ITGA9: variants seen among roughly 807,000 people sequenced by gnomAD.
ITGA9 encodes the protein integrin subunit alpha 9.
In ITGA9, 56 loss-of-function variants were observed where a neutral mutation model predicts 127.8. The ratio of observed to expected loss-of-function variants is 0.44; its 90% confidence interval spans 0.35 to 0.55. The LOEUF (loss-of-function observed/expected upper bound fraction) is 0.55, where lower values mean the gene tolerates loss of function less well. ITGA9 is among the 20% of genes least tolerant of loss of function. The pLI is 0.00. For missense variants in ITGA9, 1,196 were observed against 1,347.1 expected (o/e 0.89, Z 1.76); for synonymous variants, 508 against 514.5 (o/e 0.99, Z 0.17).
chr3:37,777,329 G>A (rs780215017), intron 23 of ITGA9, 63 bp from the exon 24 acceptor site: 12 of 1,590,938 alleles, frequency 7.5e-6, no homozygotes, highest in Middle Eastern at 1.7e-4. Context: ...TACAATAAGA[G>A]GCTCCAGCAT....
intron 15 of ITGA9, among the ~76,000 whole-genome samples, chr3:37,586,751 G>T (rs961168730): frequency 1.1e-4 from 16 of 152,174 alleles, no homozygotes; most frequent in Admixed American, 9.8e-4. Context: ...TTAACTTACG[G>T]GTCACCTGGT....
intron 26 of ITGA9, 119 bp downstream of exon 26, chr3:37,785,197 G>A (rs1179609769): frequency 1.1e-5 from 9 of 782,812 alleles, no homozygotes; most frequent in South Asian, 1.1e-4. Context: ...TTGGGTTTGT[G>A]GCAGACCCAA....
At chr3:37,590,378 G>T (rs1699803828) in intron 15 of ITGA9, among the ~76,000 whole-genome samples, 1 of 152,188 alleles carries the variant, frequency 6.6e-6, no homozygotes, top group Non-Finnish European at 1.5e-5. Flanking sequence ...GAGTCAGGGT[G>T]GAGTAGAGCT....
chr3:37,740,662 C>A (rs955052462), intron 20 of ITGA9, among the ~76,000 whole-genome samples: 1 of 152,174 alleles, frequency 6.6e-6, no homozygotes, highest in African/African-American at 2.4e-5. Context: ...AAGGTGGGTG[C>A]TCCATCTCCC....
intron 26 of ITGA9, among the ~76,000 whole-genome samples, chr3:37,803,601 A>G (rs1471461369): frequency 6.6e-6 from 1 of 152,188 alleles, no homozygotes; most frequent in African/African-American, 2.4e-5. Flanking sequence ...CCTAGCCAAC[A>G]TGGTGAAACC....
At chr3:37,699,454 T>G (rs1476783573) in intron 18 of ITGA9, among the ~76,000 whole-genome samples, 1 of 152,228 alleles carries the variant, frequency 6.6e-6, no homozygotes, top group Non-Finnish European at 1.5e-5. Context: ...AACACCCTGT[T>G]GGCTGATCCT....
chr3:37,509,728 G>A (rs559442372), intron 8 of ITGA9, among the ~76,000 whole-genome samples: 4 of 152,092 alleles, frequency 2.6e-5, no homozygotes, highest in African/African-American at 9.7e-5. Context: ...AACTCTGCTG[G>A]CTTGTGTTAT....
chr3:37,780,132 A>C (rs1469007538), intron 25 of ITGA9, 111 bp downstream of exon 25: 8 of 1,322,426 alleles, frequency 6.0e-6, no homozygotes, highest in Non-Finnish European at 7.5e-6. Flanking sequence ...TGGTGTCCTC[A>C]TGACAATCTG....
chr3:37,758,768 T>G (rs1442351701), intron 23 of ITGA9, among the ~76,000 whole-genome samples: 1 of 151,980 alleles, frequency 6.6e-6, no homozygotes, highest in Non-Finnish European at 1.5e-5. Flanking sequence ...AAAAGTATCC[T>G]ATTGTAAAAA....
chr3:37,596,666 T>C (rs1360149780), intron 15 of ITGA9, among the ~76,000 whole-genome samples: 1 of 152,092 alleles, frequency 6.6e-6, no homozygotes, highest in African/African-American at 2.4e-5. Context: ...GGGTTGTACC[T>C]TAGGTGACCC....
rs77844934 is a variant in ITGA9, at chr3:37,769,021, G to A, written c.2542-8371G>A. Among the ~76,000 whole-genome samples the A allele has an allele frequency of 6.5e-3, 988 of 152,198 alleles. 9 individuals are homozygous for A. The highest frequency in any genetic ancestry group is 0.031 in the Middle Eastern group (9 of 294). On this transcript the variant is annotated intron_variant, in intron 23 of 27. Coordinates refer to ENST00000264741, the MANE Select transcript of ITGA9 (RefSeq NM_002207.3). ...CTGGTAAAATGGCAAACTGGTAGAG[G>A]CATCTATGCTTCTGCCTGTTAAAAA...
intron 25 of ITGA9, among the ~76,000 whole-genome samples, chr3:37,782,112 C>T (rs1042291225): frequency 6.6e-6 from 1 of 152,240 alleles, no homozygotes; most frequent in African/African-American, 2.4e-5. Context: ...AAGTACCTTC[C>T]TGAAATGTGT....
At chr3:37,750,621 T>C in intron 23 of ITGA9, 52 bp downstream of exon 23, 1 of 1,289,386 alleles carries the variant, frequency 7.8e-7, no homozygotes, top group Non-Finnish European at 1.1e-6. Context: ...GCCAGCCCAT[T>C]CAAATTTTGT....
At chr3:37,624,249 GGCT>G (rs1356624314) in intron 15 of ITGA9, among the ~76,000 whole-genome samples, 1 of 135,258 alleles carries the variant, frequency 7.4e-6, no homozygotes, top group African/African-American at 2.8e-5. Flanking sequence ...CAATTAGGTA[GGCT>G]TCTAGGTCAG....
chr3:37,799,544 A>G lies in ITGA9; in HGVS notation c.2890-4279A>G, dbSNP rs1055571246. On this transcript the variant is annotated intron_variant, in intron 26 of 27. Coordinates refer to ENST00000264741, the MANE Select transcript of ITGA9 (RefSeq NM_002207.3). The surrounding 1 kb of genome is among the most constrained non-coding windows in gnomAD (Gnocchi z 4.0). ...GCCTCTAACTGGCTAGAATGTAAAT[A>G]TGTGTCCTGGGAGCAGCTGGAAAGG... Among the ~76,000 whole-genome samples, 3 of 152,158 alleles carry G rather than the reference A, an allele frequency of 2.0e-5. No individual in the cohort carries two copies. The highest frequency in any genetic ancestry group is 4.4e-5 in the Non-Finnish European group (3 of 68,018).
intron 16 of ITGA9, among the ~76,000 whole-genome samples, chr3:37,635,286 A>G (rs188572676): frequency 1.2e-3 from 187 of 152,326 alleles, no homozygotes; most frequent in African/African-American, 4.4e-3. Context: ...GGTTTTCAAT[A>G]TTTATAATTA....
In ITGA9 at chr3:37,780,039, G is replaced by A. The variant is rs371844720; in HGVS notation, c.2787+18G>A. ...TGAAAAAGGTAAGCCCTAATGAACC[G>A]CACTTGTGGATGCATTTAGAAGCAT... is the stretch of plus-strand genomic sequence containing the variant. On this transcript the variant is annotated intron_variant, in intron 25 of 27. Transcript: ENST00000264741. 37 of 1,613,004 alleles carry A rather than the reference G, an allele frequency of 2.3e-5. No individual in the cohort carries two copies. Among genetic ancestry groups the A allele is most frequent in the Non-Finnish European group, 3.0e-5 (35 of 1,179,538 alleles).
At chr3:37,709,447 G>C (rs4678998) in intron 18 of ITGA9, among the ~76,000 whole-genome samples, 67,315 of 152,108 alleles carry the variant, frequency 0.44, 15,235 homozygotes, top group South Asian at 0.57. Flanking sequence ...TTTACCATCA[G>C]TTTTTCTTTC....
rs866356298 is a variant in ITGA9, at chr3:37,616,060, T to G, written c.1690-13127T>G. On this transcript the variant is annotated intron_variant, in intron 15 of 27. Coordinates refer to ENST00000264741, the MANE Select transcript of ITGA9 (RefSeq NM_002207.3). The stretch of plus-strand genomic sequence containing the variant: ...TAGTTCTTTTAATTGTGATGTTAGG[T>G]TGTCAATTTTAGATCTTTCCTGCTT... Among the ~76,000 whole-genome samples, 142 of 152,180 alleles carry G rather than the reference T, an allele frequency of 9.3e-4. 3 individuals carry two copies. In the Middle Eastern group the frequency reaches 0.014, roughly 15 times the overall value.
Sources: gnomAD v4.1 joint callset for allele counts (sites outside exome capture counted in the v4.1 genomes callset) on GRCh38, gnomAD v4.1.1 for gene constraint, Gnocchi (gnomAD v3.1) non-coding constraint, MANE v1.5 for transcripts, NCBI Gene and HGNC (gene_info 2026-07-23, HGNC 2026-07-21) for gene names.